Variants in ITGB8 observed in about 807,000 individuals in gnomAD.
ITGB8 encodes the protein integrin beta-8.
In ITGB8, 30 loss-of-function variants were observed where a neutral mutation model predicts 89.5. That is an observed-to-expected ratio of 0.34 (90% CI 0.25 to 0.45). ITGB8 has a LOEUF of 0.45. Among genes scored for constraint, ITGB8 ranks in the 20% least tolerant of loss-of-function variants. The pLI is 1.00. For missense variants in ITGB8, 836 were observed against 933.3 expected, an observed-to-expected ratio of 0.90 and a Z score of 1.36; for synonymous variants, 335 against 320.4, an observed-to-expected ratio of 1.05 and a Z score of -0.49.
chr7:20,400,592 A>G (rs1431563966), intron 9 of ITGB8, among the ~76,000 whole-genome samples: 1 of 152,216 alleles, frequency 6.6e-6, no homozygotes, highest in Non-Finnish European at 1.5e-5. Context: ...AAAGAAATAT[A>G]CCTTCTTATT....
intron 1 of ITGB8, among the ~76,000 whole-genome samples, chr7:20,332,925 C>CT (rs34506325): frequency 0.63 from 90,292 of 142,926 alleles, 28,525 homozygotes; most frequent in East Asian, 0.8. Context: ...GTCATACTTT[C>CT]TTTTTTTTTT....
chr7:20,350,989 C>T (rs925845871), intron 1 of ITGB8, among the ~76,000 whole-genome samples: 1 of 152,062 alleles, frequency 6.6e-6, no homozygotes, highest in African/African-American at 2.4e-5. Flanking sequence ...TTTCCCTGTG[C>T]ATAGAAAGGA....
At chr7:20,387,564 A>ACCACACCT (rs1460928010) in intron 6 of ITGB8, among the ~76,000 whole-genome samples, 1 of 152,174 alleles carries the variant, frequency 6.6e-6, no homozygotes, top group Non-Finnish European at 1.5e-5. Flanking sequence ...GTGGTTCTCA[A>ACCACACCT]CTGGAGTGAT....
intron 5 of ITGB8, chr7:20,381,511 A>G (rs1189233333): frequency 2.3e-6 from 1 of 434,950 alleles, no homozygotes; most frequent in African/African-American, 2.0e-5. Context: ...AACACTAGAA[A>G]TCTCTAGCCA....
At chr7:20,384,729 T>A (rs541849422) in intron 6 of ITGB8, among the ~76,000 whole-genome samples, 1 of 152,332 alleles carries the variant, frequency 6.6e-6, no homozygotes, top group Admixed American at 6.5e-5. Context: ...AAAATAATGT[T>A]CTTGTTGTCA....
intron 8 of ITGB8, among the ~76,000 whole-genome samples, chr7:20,396,382 G>A (rs1018789866): frequency 1.3e-5 from 2 of 151,306 alleles, no homozygotes; most frequent in South Asian, 2.1e-4. Flanking sequence ...GCAATGAGCC[G>A]AGATTGCGCC....
At chr7:20,395,114 T>A in intron 8 of ITGB8, 129 bp downstream of exon 8, 2 of 596,632 alleles carry the variant, frequency 3.4e-6, no homozygotes, top group South Asian at 4.6e-5. Flanking sequence ...ATTAGGAATC[T>A]GAAGTTCATC....
chr7:20,404,269 T>C (rs1787441419), intron 10 of ITGB8, among the ~76,000 whole-genome samples: 1 of 152,200 alleles, frequency 6.6e-6, no homozygotes, highest in Admixed American at 6.5e-5. Flanking sequence ...TTTTCTAATT[T>C]CAAGTCAGGC....
At chr7:20,350,186 C>T (rs1159394560) in intron 1 of ITGB8, among the ~76,000 whole-genome samples, 4 of 152,164 alleles carry the variant, frequency 2.6e-5, no homozygotes, top group East Asian at 1.9e-4. Context: ...TCACTCTTGT[C>T]GCCCAGGCTG....
chr7:20,331,754 CCCGCGTCCGGAAGGCAGT>C lies in ITGB8; in HGVS notation c.-51_-34del, dbSNP rs1179552162. ...CCGAGGTGCGCCCGGGAGGCGCGAG[CCCGCGTCCGGAAGGCAGT>C]CAGGCGGCGGGCGCGGGGCGGGCTG... On this transcript the variant is annotated 5_prime_UTR_variant, in exon 1 of 14. Transcript: ENST00000222573. 99 of 1,570,236 alleles carry C rather than the reference CCCGCGTCCGGAAGGCAGT, an allele frequency of 6.3e-5. 1 individual carries two copies. In the African/African-American group the frequency reaches 1.2e-3, roughly 19 times the overall value.
At chr7:20,405,468 G>A (rs1228472466) in intron 11 of ITGB8, among the ~76,000 whole-genome samples, 11 of 147,108 alleles carry the variant, frequency 7.5e-5, no homozygotes, top group African/African-American at 1.8e-4. Flanking sequence ...CCGCCACCAC[G>A]CCGGGCTAAT....
intron 12 of ITGB8, among the ~76,000 whole-genome samples, chr7:20,409,142 C>G (rs538705203): frequency 6.6e-6 from 1 of 152,108 alleles, no homozygotes; most frequent in African/African-American, 2.4e-5. Context: ...TTTTCCATTA[C>G]TGGCATGGAA....
chr7:20,369,405 A>T (rs1321746819), intron 3 of ITGB8, among the ~76,000 whole-genome samples: 1 of 152,130 alleles, frequency 6.6e-6, no homozygotes, highest in Non-Finnish European at 1.5e-5. Context: ...CTGGCTTGCT[A>T]CGTCCACACA....
chr7:20,383,583 T>C (rs1786489683), intron 6 of ITGB8, among the ~76,000 whole-genome samples: 1 of 152,188 alleles, frequency 6.6e-6, no homozygotes, highest in Non-Finnish European at 1.5e-5. Context: ...GTATTATTCT[T>C]TTGAAGTTTT....
chr7:20,404,438 A>C (rs554655823), intron 10 of ITGB8, among the ~76,000 whole-genome samples, 190 bp from the exon 11 acceptor site: 1 of 152,364 alleles, frequency 6.6e-6, no homozygotes, highest in South Asian at 2.1e-4. Flanking sequence ...TATCTACAGT[A>C]GAACAGCTTT....
At chr7:20,371,931 T>G (rs1785949825) in intron 3 of ITGB8, among the ~76,000 whole-genome samples, 1 of 152,230 alleles carries the variant, frequency 6.6e-6, no homozygotes, top group Admixed American at 6.5e-5. Context: ...CTTTTTAATG[T>G]CTGCTATTTG....
At chr7:20,409,319 T>G (rs562911301) in intron 12 of ITGB8, among the ~76,000 whole-genome samples, 2 of 152,368 alleles carry the variant, frequency 1.3e-5, no homozygotes, top group East Asian at 3.9e-4. Context: ...CATGGACATA[T>G]TCCAGTTAAT....
rs1787801053 is a variant in ITGB8 at position 20,412,551 on chromosome 7, T to G, written c.*2554T>G. The G allele has an allele frequency of 6.6e-6, 1 of 152,638 alleles. No individual in the cohort carries two copies. Among genetic ancestry groups the G allele is most frequent in the Non-Finnish European group, 1.5e-5 (1 of 68,018 alleles). 9.5% of individuals were successfully genotyped at this position (152,638 alleles called of 1,614,324 possible). Reference sequence around the variant, plus strand: ...TAAAAATCCAGAGTTTATATTTTTTTTATACCCTCACTTGTTTGCACTAAC... The same window carrying G: ...TAAAAATCCAGAGTTTATATTTTTTGTATACCCTCACTTGTTTGCACTAAC... On this transcript the variant is annotated 3_prime_UTR_variant, in exon 14 of 14. Coordinates refer to ENST00000222573, the MANE Select transcript of ITGB8 (RefSeq NM_002214.3).
rs1291267468 is a variant in ITGB8 at position 20,380,698 on chromosome 7, G to A, written c.668G>A (p.Gly223Glu). ...AATTTAGACTGCATGCCTCCCCATG[G>A]ATACATCCATGTGCTGTCTTTGACA... is the stretch of plus-strand genomic sequence containing the variant. Reference protein sequence around the residue: ...DYNLDCMPPHGYIHVLSLTEN... With the variant: ...DYNLDCMPPHEYIHVLSLTEN... The change falls in exon 5 of 14, where the codon GGA (glycine) becomes GAA (glutamate). Residue 223 changes from glycine (G) to glutamate (E), a missense_variant. Physicochemically the swap from Gly to Glu is moderately conservative, Grantham distance 98. Coordinates refer to ENST00000222573, the MANE Select transcript of ITGB8 (RefSeq NM_002214.3). 5 of 1,613,572 alleles carry A rather than the reference G, an allele frequency of 3.1e-6. No individual in the cohort carries two copies. In the South Asian group the frequency reaches 5.5e-5, roughly 18 times the overall value.
Sources: gnomAD v4.1 joint callset for allele counts (sites outside exome capture counted in the v4.1 genomes callset) on GRCh38, gnomAD v4.1.1 for gene constraint, MANE v1.5 for transcripts, NCBI Gene and HGNC (gene_info 2026-07-23, HGNC 2026-07-21) for gene names.